SCARA3: variants seen among roughly 807,000 people sequenced by gnomAD.
SCARA3 encodes scavenger receptor class A member 3.
A neutral mutation model predicts 47.0 loss-of-function variants in SCARA3; 39 were observed. The ratio of observed to expected loss-of-function variants is 0.83; its 90% CI spans 0.64 to 1.08. The LOEUF is 1.08. Among genes scored for constraint, SCARA3 ranks in the 50% least tolerant of loss-of-function variants. SCARA3 has a pLI of 0.00. For synonymous variants in SCARA3, 356 were observed against 334.1 expected (o/e 1.07, Z -0.71); for missense variants, 724 against 792.3 (o/e 0.91, Z 1.04).
intron 1 of SCARA3, among the ~76,000 whole-genome samples, chr8:27,642,319 G>A (rs1428028639): frequency 6.6e-6 from 1 of 152,222 alleles, no homozygotes; most frequent in Non-Finnish European, 1.5e-5. Flanking sequence ...CCTAATAAAA[G>A]TGGCTGCTAC....
the SCARA3 span, among the ~76,000 whole-genome samples, chr8:27,709,984 A>G: frequency 6.6e-6 from 1 of 152,180 alleles, no homozygotes; most frequent in Non-Finnish European, 1.5e-5. Context: ...TAATCTCAGC[A>G]CTTTGGGAGG....
chr8:27,714,157 C>T, the SCARA3 span, among the ~76,000 whole-genome samples: 4 of 149,724 alleles, frequency 2.7e-5, no homozygotes, highest in Non-Finnish European at 5.9e-5. Flanking sequence ...CCAATTAAAC[C>T]TCTTTCCTTT....
At chr8:27,726,424 C>T in the SCARA3 span, among the ~76,000 whole-genome samples, 2,799 of 152,002 alleles carry the variant, frequency 0.018, 93 homozygotes, top group African/African-American at 0.065. Flanking sequence ...AACAGCCAGG[C>T]GCAGTGGCTC....
At chr8:27,649,898 C>A in intron 2 of SCARA3, 98 bp downstream of exon 2, 1 of 1,093,984 alleles carries the variant, frequency 9.1e-7, no homozygotes, top group South Asian at 1.6e-5. Flanking sequence ...TAGGTGGTTT[C>A]AAAAGCCTGG....
the SCARA3 span, among the ~76,000 whole-genome samples, chr8:27,691,904 T>C: frequency 0.49 from 74,178 of 151,892 alleles, 18,402 homozygotes; most frequent in Middle Eastern, 0.61. Context: ...CAACGCCAGA[T>C]CATGAGTCTA....
At chr8:27,679,460 G>A (rs1802326773), downstream of SCARA3, among the ~76,000 whole-genome samples, 1 of 152,062 alleles carries the variant, frequency 6.6e-6, no homozygotes, top group African/African-American at 2.4e-5. Context: ...ATTAATGCAA[G>A]GTAGGCTATG....
chr8:27,682,218 C>T, the SCARA3 span, among the ~76,000 whole-genome samples: 2 of 151,944 alleles, frequency 1.3e-5, no homozygotes, highest in African/African-American at 2.4e-5. Context: ...AATTGGATAT[C>T]CATATGGGAA....
intron 3 of SCARA3, 117 bp from the exon 4 acceptor site, chr8:27,656,665 G>A: frequency 2.9e-6 from 2 of 700,006 alleles, no homozygotes; most frequent in Non-Finnish European, 5.1e-6. Context: ...AAGCCTGAGA[G>A]AAGAAGGGTG....
At chr8:27,665,217 A>G (rs1271677353) in intron 5 of SCARA3, among the ~76,000 whole-genome samples, 2 of 152,242 alleles carry the variant, frequency 1.3e-5, no homozygotes, top group Non-Finnish European at 2.9e-5. Flanking sequence ...ATCTTTAGGC[A>G]GAATCACTTC....
In SCARA3 at chr8:27,634,157, G is replaced by A. The variant is rs1430298175; in HGVS notation, c.-44G>A. On this transcript the variant is annotated 5_prime_UTR_variant, in exon 1 of 6. Transcript: ENST00000301904. ...GCCGCCCGGCTCCACTACAGCTCCAGCCGCCTGCAGCGGGGCCCTCCTGAG... is the reference window on the plus strand; with the variant it reads ...GCCGCCCGGCTCCACTACAGCTCCAACCGCCTGCAGCGGGGCCCTCCTGAG... 1 of 1,449,890 alleles carries A rather than the reference G, an allele frequency of 6.9e-7. No individual in the cohort carries two copies. Among genetic ancestry groups the A allele is most frequent in the Non-Finnish European group, 9.0e-7 (1 of 1,105,804 alleles). 89.8% of individuals were successfully genotyped at this position (1,449,890 alleles called of 1,614,324 possible).
the SCARA3 span, among the ~76,000 whole-genome samples, chr8:27,726,518 G>C: frequency 6.6e-6 from 1 of 152,102 alleles, no homozygotes; most frequent in African/African-American, 2.4e-5. Flanking sequence ...CCAATGCGGT[G>C]AAACCCCGTC....
At chr8:27,669,246 T>C (rs1340853612) in intron 5 of SCARA3, among the ~76,000 whole-genome samples, 1 of 152,122 alleles carries the variant, frequency 6.6e-6, no homozygotes, top group Non-Finnish European at 1.5e-5. Flanking sequence ...CGCAATTTTG[T>C]GGATGAAATA....
chr8:27,663,225 G>A (rs1801949356), intron 5 of SCARA3, among the ~76,000 whole-genome samples: 1 of 152,194 alleles, frequency 6.6e-6, no homozygotes, highest in South Asian at 2.1e-4. Context: ...TGTCCTTCAG[G>A]GACGTCTCAG....
At chr8:27,656,097 G>A (rs1034529342) in intron 3 of SCARA3, among the ~76,000 whole-genome samples, 6 of 152,160 alleles carry the variant, frequency 3.9e-5, no homozygotes, top group Admixed American at 6.5e-5. Flanking sequence ...ATCTCGTCAC[G>A]TAGGCATGGT....
chr8:27,691,334 G>A, the SCARA3 span, among the ~76,000 whole-genome samples: 3,415 of 152,190 alleles, frequency 0.022, 127 homozygotes, highest in African/African-American at 0.078. Context: ...TCCTTGGCCA[G>A]AGTGACAGAA....
At chr8:27,685,381 A>C in the SCARA3 span, among the ~76,000 whole-genome samples, 2 of 152,254 alleles carry the variant, frequency 1.3e-5, no homozygotes, top group African/African-American at 2.4e-5. Context: ...AAACACTCAA[A>C]GAAGTCAAAA....
chr8:27,634,741 G>A (rs1292033008), intron 1 of SCARA3, among the ~76,000 whole-genome samples: 1 of 152,168 alleles, frequency 6.6e-6, no homozygotes, highest in African/African-American at 2.4e-5. Flanking sequence ...CCCACCCTCT[G>A]ACCTCCTTGG....
intron 5 of SCARA3, 94 bp from the exon 6 acceptor site, chr8:27,670,806 C>T: frequency 1.9e-6 from 2 of 1,026,856 alleles, no homozygotes; most frequent in Non-Finnish European, 2.8e-6. Context: ...TTGTTCAACC[C>T]TCGGGCTGTC....
chr8:27,728,372 T>C, the SCARA3 span, among the ~76,000 whole-genome samples: 2 of 152,172 alleles, frequency 1.3e-5, no homozygotes, highest in Non-Finnish European at 2.9e-5. Flanking sequence ...AACCCACAAA[T>C]GGGTGGAAAA....
Sources: allele counts gnomAD v4.1 joint callset (sites outside exome capture counted in the v4.1 genomes callset), GRCh38; gene constraint gnomAD v4.1.1; transcripts MANE v1.5; gene names NCBI Gene and HGNC (gene_info 2026-07-23, HGNC 2026-07-21).